SLC44A5: variants seen among roughly 807,000 people sequenced by gnomAD.
The protein encoded by SLC44A5 is choline transporter-like protein 5.
In SLC44A5, 57 loss-of-function variants were observed where a neutral mutation model predicts 101.8. That is an observed-to-expected ratio of 0.56 (90% confidence interval 0.45 to 0.70). The LOEUF (loss-of-function observed/expected upper bound fraction) is 0.70, where lower values mean the gene tolerates loss of function less well. SLC44A5 is among the 30% of genes least tolerant of loss of function. The pLI, the probability that SLC44A5 is intolerant of heterozygous loss-of-function variation, is 0.00. For synonymous variants in SLC44A5, 281 were observed against 290.9 expected (o/e 0.97, Z 0.35); for missense variants, 737 against 853.1 (o/e 0.86, Z 1.70).
the SLC44A5 span, among the ~76,000 whole-genome samples, chr1:75,678,344 G>A: frequency 6.6e-6 from 1 of 152,144 alleles, no homozygotes; most frequent in African/African-American, 2.4e-5. Flanking sequence ...AGTAACCTCT[G>A]CAGACTTAAA....
At chr1:75,641,560 A>G in the SLC44A5 span, 7 of 1,508,956 alleles carry the variant, frequency 4.6e-6, no homozygotes, top group African/African-American at 1.4e-5. Flanking sequence ...AAACTTCCTC[A>G]TTTACTTCTA....
intron 2 of SLC44A5, among the ~76,000 whole-genome samples, chr1:75,539,978 T>C (rs1189953354): frequency 1.3e-5 from 2 of 152,238 alleles, no homozygotes; most frequent in African/African-American, 4.8e-5. Context: ...GCCAGTTGTA[T>C]AGTTTTAAGA....
At chr1:75,533,026 TA>T (rs1670807231) in intron 2 of SLC44A5, among the ~76,000 whole-genome samples, 1 of 152,228 alleles carries the variant, frequency 6.6e-6, no homozygotes, top group Non-Finnish European at 1.5e-5. Flanking sequence ...AAATTGCACT[TA>T]TGTCCCATTC....
rs750397625 is a variant in SLC44A5 at position 75,213,791 on chromosome 1, C to T, written c.1876G>A (p.Val626Ile). ...TGTGTGAAGAATAGGAAGGCCAGAA[C>T]ACCTACATTGAAAAGGTAGAACATG... is the stretch of plus-strand genomic sequence containing the variant. ...GKLLVAGSIG[V>I]LAFLFFTQRL... The change falls in exon 22 of 24, where the codon GTT (valine) becomes ATT (isoleucine). Residue 626 changes from valine to isoleucine, a missense_variant and splice_region_variant. Val to Ile is a conservative substitution (Grantham distance 29). Around this residue, in one of 3 missense-constraint regions of SLC44A5, gnomAD observed 665 missense variants for 764.4 expected, o/e 0.87. Coordinates refer to ENST00000370859, the MANE Select transcript of SLC44A5 (RefSeq NM_001130058.2). 9 of 1,608,504 alleles carry T rather than the reference C, an allele frequency of 5.6e-6. No individual in the cohort carries two copies. Among genetic ancestry groups the T allele is most frequent in the Middle Eastern group, 1.7e-4 (1 of 6,052 alleles).
intron 1 of SLC44A5, among the ~76,000 whole-genome samples, chr1:75,571,751 T>C (rs966754087): frequency 6.6e-6 from 1 of 152,196 alleles, no homozygotes; most frequent in Non-Finnish European, 1.5e-5. Context: ...ACTTACGACA[T>C]TTTCAACTTA....
the SLC44A5 span, among the ~76,000 whole-genome samples, chr1:75,633,781 G>A: frequency 1.3e-5 from 2 of 151,974 alleles, no homozygotes; most frequent in East Asian, 1.9e-4. Context: ...GTGAGAGAGG[G>A]CATCCCTGTC....
At chr1:75,300,546 ATGTGAC>A (rs1654372353) in intron 5 of SLC44A5, 60 bp downstream of exon 5, 17 of 1,066,796 alleles carry the variant, frequency 1.6e-5, no homozygotes, top group Non-Finnish European at 2.3e-5. Flanking sequence ...AATTTTTTAT[ATGTGAC>A]ACTGACTTAG....
intron 19 of SLC44A5, among the ~76,000 whole-genome samples, chr1:75,215,139 T>C (rs1646935740): frequency 6.6e-6 from 1 of 152,156 alleles, no homozygotes; most frequent in African/African-American, 2.4e-5. Flanking sequence ...ACTGTTTGAA[T>C]CTCCATAACT....
At chr1:75,448,078 G>T (rs1240010810) in intron 2 of SLC44A5, among the ~76,000 whole-genome samples, 1 of 152,168 alleles carries the variant, frequency 6.6e-6, no homozygotes, top group Non-Finnish European at 1.5e-5. Flanking sequence ...CCATCTCAGT[G>T]AATGGCATCA....
intron 2 of SLC44A5, among the ~76,000 whole-genome samples, chr1:75,406,700 TG>T: frequency 6.6e-6 from 1 of 152,138 alleles, no homozygotes; most frequent in East Asian, 1.9e-4. Context: ...TAGGTATTGA[TG>T]GAACGTATCT....
intron 1 of SLC44A5, among the ~76,000 whole-genome samples, chr1:75,598,925 A>G (rs577246078): frequency 1.3e-5 from 2 of 152,364 alleles, no homozygotes; most frequent in South Asian, 4.1e-4. Context: ...CAAGCTTAAA[A>G]TAAAAATTAA....
intron 18 of SLC44A5, among the ~76,000 whole-genome samples, chr1:75,217,488 C>T (rs899837867): frequency 6.6e-6 from 1 of 151,994 alleles, no homozygotes; most frequent in East Asian, 1.9e-4. Context: ...GCCCGTGACA[C>T]CCACATTTAT....
intron 4 of SLC44A5, among the ~76,000 whole-genome samples, chr1:75,304,441 A>T (rs1321449969): frequency 1.3e-5 from 2 of 152,126 alleles, no homozygotes; most frequent in African/African-American, 2.4e-5. Context: ...GTTACCGGAA[A>T]ATTGAATGTG....
the SLC44A5 span, among the ~76,000 whole-genome samples, chr1:75,698,793 T>C: frequency 3.9e-5 from 6 of 152,002 alleles, no homozygotes; most frequent in East Asian, 1.9e-4. Context: ...ATAATCAATA[T>C]AGAGAAGTGC....
chr1:75,633,277 G>A, the SLC44A5 span, among the ~76,000 whole-genome samples: 1 of 152,124 alleles, frequency 6.6e-6, no homozygotes, highest in African/African-American at 2.4e-5. Context: ...GTAGCTTGAT[G>A]GGGATGGCAT....
chr1:75,235,533 C>T (rs532893829), intron 11 of SLC44A5, among the ~76,000 whole-genome samples: 1 of 151,922 alleles, frequency 6.6e-6, no homozygotes, highest in East Asian at 1.9e-4. Flanking sequence ...TAAATACTGT[C>T]GAGAATAGAC....
Position 75,483,992 on chromosome 1 carries a change from A to AC in SLC44A5, c.13+57442dup, listed in dbSNP as rs1051045147. On this transcript the variant is annotated intron_variant, in intron 2 of 23. Transcript: ENST00000370859. ...CATGAGAACAGCAAGGGAGAAATCC[A>AC]CCCCCATGATCCAATTATCTCCCAC... 4.5e-4 allele frequency among the ~76,000 whole-genome samples: 68 copies of AC among 152,118 alleles called. No homozygotes were observed. The Middle Eastern group carries it at 0.01, about 23-fold the overall frequency.
At chr1:75,500,313 A>G (rs1045116924) in intron 2 of SLC44A5, among the ~76,000 whole-genome samples, 2 of 152,260 alleles carry the variant, frequency 1.3e-5, no homozygotes, top group African/African-American at 4.8e-5. Context: ...GCCAGGCAGT[A>G]AATAATAAGA....
At chr1:75,283,743 T>G (rs1355895744) in intron 5 of SLC44A5, among the ~76,000 whole-genome samples, 1 of 149,046 alleles carries the variant, frequency 6.7e-6, no homozygotes, top group Non-Finnish European at 1.5e-5. Flanking sequence ...GCACCATTTG[T>G]TGAGCAGGAT....
Sources: gnomAD v4.1 joint callset for allele counts (sites outside exome capture counted in the v4.1 genomes callset) on GRCh38, gnomAD v4.1.1 for gene constraint, gnomAD v4.1.1 regional missense constraint, MANE v1.5 for transcripts, NCBI Gene and HGNC (gene_info 2026-07-23, HGNC 2026-07-21) for gene names.